PTPRM: variants seen among roughly 807,000 people sequenced by gnomAD.
PTPRM encodes the protein protein tyrosine phosphatase receptor type M.
A neutral mutation model predicts 186.7 loss-of-function variants in PTPRM; 47 were observed. The ratio of observed to expected loss-of-function variants is 0.25; its 90% CI spans 0.20 to 0.32. The LOEUF (loss-of-function observed/expected upper bound fraction) is 0.32. Ranked by LOEUF, PTPRM falls within the 10% of genes least tolerant of loss-of-function variation. The pLI, the probability that PTPRM is intolerant of heterozygous loss-of-function variation, is 1.00. For synonymous variants in PTPRM, 668 were observed against 674.9 expected (o/e 0.99, Z 0.16); for missense variants, 1,494 against 1,865.0 (o/e 0.80, Z 3.66).
At chr18:7,948,130 TACACACACACACACAC>T (rs57918724) in intron 5 of PTPRM, among the ~76,000 whole-genome samples, 94 of 137,898 alleles carry the variant, frequency 6.8e-4, no homozygotes, top group Admixed American at 1.8e-3. Flanking sequence ...GATTATAAAA[TACACACACACACACAC>T]ACACACACAC....
At chr18:8,078,268 C>T (rs1472077626) in intron 9 of PTPRM, among the ~76,000 whole-genome samples, 1 of 152,184 alleles carries the variant, frequency 6.6e-6, no homozygotes, top group Non-Finnish European at 1.5e-5. Flanking sequence ...CTGTGAGCTA[C>T]GATTCACCCA....
chr18:8,076,377 G>A, intron 8 of PTPRM, 78 bp from the exon 9 acceptor site: 1 of 824,296 alleles, frequency 1.2e-6, no homozygotes, highest in Non-Finnish European at 2.0e-6. Flanking sequence ...CTCAATAGAA[G>A]GTTAAAACCA....
intron 7 of PTPRM, among the ~76,000 whole-genome samples, chr18:7,956,850 C>G (rs2053345297): frequency 6.6e-6 from 1 of 152,208 alleles, no homozygotes; most frequent in Admixed American, 6.5e-5. Flanking sequence ...TATCATTTGA[C>G]AAGATAGGCA....
At chr18:8,198,694 C>T (rs528133307) in intron 14 of PTPRM, among the ~76,000 whole-genome samples, 22 of 152,140 alleles carry the variant, frequency 1.4e-4, no homozygotes, top group Non-Finnish European at 2.9e-4. Flanking sequence ...GAACCGACGG[C>T]TTTCCACCTT....
chr18:8,076,429 A>G (rs200557952), intron 8 of PTPRM, 26 bp from the exon 9 acceptor site: 1 of 1,350,546 alleles, frequency 7.4e-7, no homozygotes, highest in South Asian at 1.2e-5. Flanking sequence ...TTACTTAAAC[A>G]TTTATTTCCT....
intron 2 of PTPRM, among the ~76,000 whole-genome samples, chr18:7,790,636 G>T (rs886066631): frequency 6.6e-6 from 1 of 152,150 alleles, no homozygotes; most frequent in Non-Finnish European, 1.5e-5. Context: ...ATCTCTCTAA[G>T]ACTTATCTTT....
At chr18:7,743,694 TAAAAC>T (rs993518926) in intron 1 of PTPRM, among the ~76,000 whole-genome samples, 4 of 152,172 alleles carry the variant, frequency 2.6e-5, no homozygotes, top group East Asian at 1.9e-4. Flanking sequence ...ATTCGGGACA[TAAAAC>T]AGAAAAGGAG....
intron 19 of PTPRM, among the ~76,000 whole-genome samples, chr18:8,270,934 A>G (rs1314644662): frequency 6.6e-6 from 1 of 152,148 alleles, no homozygotes; most frequent in Non-Finnish European, 1.5e-5. Flanking sequence ...ATGGTACAGC[A>G]TGGTGACTGT....
chr18:7,661,282 T>TA (rs1348757631), intron 1 of PTPRM, among the ~76,000 whole-genome samples: 2 of 152,238 alleles, frequency 1.3e-5, no homozygotes, highest in Non-Finnish European at 1.5e-5. Flanking sequence ...AAGCTCCCCT[T>TA]ACAGATGTGG....
chr18:8,118,557 T>C (rs544448850), intron 13 of PTPRM, among the ~76,000 whole-genome samples: 4 of 152,216 alleles, frequency 2.6e-5, no homozygotes, highest in African/African-American at 9.6e-5. Flanking sequence ...CCCAGCACTT[T>C]GGGAGGCTGA....
chr18:7,794,572 A>G (rs947931947), intron 2 of PTPRM, among the ~76,000 whole-genome samples: 1 of 152,206 alleles, frequency 6.6e-6, no homozygotes, highest in African/African-American at 2.4e-5. Context: ...TCCAAAAAGG[A>G]TATACTATAA....
At chr18:8,132,693 A>C (rs2092541106) in intron 13 of PTPRM, among the ~76,000 whole-genome samples, 1 of 152,196 alleles carries the variant, frequency 6.6e-6, no homozygotes, top group Admixed American at 6.5e-5. Context: ...TATTGAGTTT[A>C]TAACACTTTA....
Position 8,386,772 on chromosome 18 carries a change from A to G in PTPRM, c.4045-300A>G, listed in dbSNP as rs111327160. ...AATTGAAGTTATTTTACCACTTAAC[A>G]TGACAATGTGGTCAGTGCTTATGCT... On this transcript the variant is annotated intron_variant, in intron 30 of 32. Coordinates refer to ENST00000580170, the MANE Select transcript of PTPRM (RefSeq NM_001105244.2). 4.7e-3 allele frequency among the ~76,000 whole-genome samples: 712 copies of G among 152,302 alleles called. 1 individual carries two copies. Among genetic ancestry groups the G allele is most frequent in the Middle Eastern group, 0.02 (6 of 294 alleles).
chr18:7,929,275 A>G (rs958947709), intron 5 of PTPRM, among the ~76,000 whole-genome samples: 20 of 152,068 alleles, frequency 1.3e-4, no homozygotes, highest in African/African-American at 4.8e-4. Flanking sequence ...CCAACGTTTA[A>G]TTTTCCATGT....
chr18:7,768,648 A>ATAT (rs1568102015), intron 1 of PTPRM, among the ~76,000 whole-genome samples: 1 of 137,270 alleles, frequency 7.3e-6, no homozygotes, highest in African/African-American at 2.7e-5. Context: ...ATATATATAT[A>ATAT]TTTTTTTTTT....
At chr18:7,992,079 G>A (rs1047324958) in intron 7 of PTPRM, among the ~76,000 whole-genome samples, 1 of 152,118 alleles carries the variant, frequency 6.6e-6, no homozygotes, top group African/African-American at 2.4e-5. Flanking sequence ...GCTACTTTGT[G>A]TAAAACTGAT....
rs568759326 is a variant in PTPRM, at chr18:8,006,137, G to A, written c.1132+50723G>A. On this transcript the variant is annotated intron_variant, in intron 7 of 32. Coordinates refer to ENST00000580170, the MANE Select transcript of PTPRM (RefSeq NM_001105244.2). ...TTAAGCCTGCTGCCTGTCAGCTCAG[G>A]TTGATCTGTGTTGTGGTTAGTAATT... is the stretch of plus-strand genomic sequence containing the variant. Among the ~76,000 whole-genome samples the A allele has an allele frequency of 5.9e-5, 9 of 152,304 alleles. No homozygotes were observed. The South Asian group carries it at 1.4e-3, about 25-fold the overall frequency.
At chr18:7,810,501 A>G (rs547155164) in intron 2 of PTPRM, among the ~76,000 whole-genome samples, 1 of 152,332 alleles carries the variant, frequency 6.6e-6, no homozygotes, top group South Asian at 2.1e-4. Flanking sequence ...GTTTGTAAGC[A>G]GTGGATGTAT....
intron 2 of PTPRM, chr18:7,815,017 T>A (rs1281332124): frequency 6.6e-6 from 1 of 152,152 alleles, no homozygotes; most frequent in African/African-American, 2.4e-5. Flanking sequence ...GTTACATTTA[T>A]CTTATCTGAG....
Sources: gnomAD v4.1 joint callset for allele counts (sites outside exome capture counted in the v4.1 genomes callset) on GRCh38, gnomAD v4.1.1 for gene constraint, MANE v1.5 for transcripts, NCBI Gene and HGNC (gene_info 2026-07-23, HGNC 2026-07-21) for gene names.